TNFSF13B: variants seen among roughly 807,000 people sequenced by gnomAD.
The protein encoded by TNFSF13B is tumor necrosis factor ligand superfamily member 13B.
TNFSF13B carries 8 observed loss-of-function variants against 29.1 expected under a neutral mutation model. That is an observed-to-expected ratio of 0.27 (90% confidence interval 0.16 to 0.50). The LOEUF is 0.50. Ranked by LOEUF, TNFSF13B falls within the 20% of genes least tolerant of loss-of-function variation. The pLI, the probability that TNFSF13B is intolerant of heterozygous loss-of-function variation, is 0.98. For missense variants in TNFSF13B, 248 were observed against 334.9 expected (o/e 0.74, Z 2.03); for synonymous variants, 125 against 130.8 (o/e 0.96, Z 0.30).
chr13:108,279,072 C>CTTTGTTATGT (rs879668458), intron 2 of TNFSF13B, among the ~76,000 whole-genome samples: 4,461 of 152,238 alleles, frequency 0.029, 165 homozygotes, highest in East Asian at 0.1. Context: ...TATGGAACCC[C>CTTTGTTATGT]TTTTCCCTCA....
intron 2 of TNFSF13B, among the ~76,000 whole-genome samples, chr13:108,285,211 C>CG (rs1881089690): frequency 1.5e-4 from 1 of 6,800 alleles, no homozygotes; most frequent in South Asian, 6.0e-3. Flanking sequence ...CTTTAAATAC[C>CG]AAGAATTTCT....
intron 2 of TNFSF13B, among the ~76,000 whole-genome samples, chr13:108,279,189 A>T (rs1880860752): frequency 6.6e-6 from 1 of 152,168 alleles, no homozygotes; most frequent in African/African-American, 2.4e-5. Context: ...TGTTTCATAT[A>T]TTATTCCACG....
intron 5 of TNFSF13B, among the ~76,000 whole-genome samples, chr13:108,304,328 G>A (rs1057411704): frequency 1.3e-5 from 2 of 152,138 alleles, no homozygotes; most frequent in East Asian, 3.8e-4. Flanking sequence ...TTGTACAATG[G>A]CTTCTTTCTA....
intron 3 of TNFSF13B, 99 bp from the exon 4 acceptor site, chr13:108,303,154 G>A (rs1881677618): frequency 3.9e-6 from 3 of 772,316 alleles, no homozygotes; most frequent in Admixed American, 3.0e-5. Flanking sequence ...TTTTAGGATG[G>A]AATTATCTTC....
intron 3 of TNFSF13B, 149 bp from the exon 4 acceptor site, chr13:108,303,104 T>C (rs1357672917): frequency 3.0e-6 from 2 of 658,422 alleles, no homozygotes; most frequent in East Asian, 2.8e-5. Flanking sequence ...ATGTGACTTG[T>C]ATTCCTTTTT....
At position 108,303,243 on chromosome 13, in the gene TNFSF13B, T is replaced by G; in HGVS notation, c.482-10T>G. Reference sequence around the variant, plus strand: ...GTTTCTTTCCTTATAAATGATTCTCTTCATTGCAGGATCTTACACATTTGT... The same window carrying G: ...GTTTCTTTCCTTATAAATGATTCTCGTCATTGCAGGATCTTACACATTTGT... On this transcript the variant is annotated splice_polypyrimidine_tract_variant and intron_variant, in intron 3 of 5. Coordinates refer to ENST00000375887, the MANE Select transcript of TNFSF13B (RefSeq NM_006573.5). 6.3e-7 allele frequency: 1 copy of G among 1,584,898 alleles called. No homozygotes were observed. Among genetic ancestry groups the G allele is most frequent in the Non-Finnish European group, 8.6e-7 (1 of 1,161,304 alleles).
chr13:108,292,070 C>G (rs530897449), intron 3 of TNFSF13B, among the ~76,000 whole-genome samples: 1 of 152,170 alleles, frequency 6.6e-6, no homozygotes, highest in Non-Finnish European at 1.5e-5. Flanking sequence ...CTCTCTCTAG[C>G]TCCAAAATAT....
chr13:108,299,294 T>C (rs1348632707), intron 3 of TNFSF13B, among the ~76,000 whole-genome samples: 1 of 145,446 alleles, frequency 6.9e-6, no homozygotes, highest in African/African-American at 2.6e-5. Flanking sequence ...ATTCTTTTGG[T>C]CCGCTGAGTA....
chr13:108,274,875 A>G (rs939004119), intron 2 of TNFSF13B, among the ~76,000 whole-genome samples: 20 of 152,156 alleles, frequency 1.3e-4, no homozygotes, highest in Non-Finnish European at 2.8e-4. Flanking sequence ...AGAAGAAGGG[A>G]GGGGAATTAC....
chr13:108,296,260 T>C (rs911954708), intron 3 of TNFSF13B, among the ~76,000 whole-genome samples: 1 of 145,904 alleles, frequency 6.9e-6, no homozygotes, highest in Non-Finnish European at 1.5e-5. Flanking sequence ...TCTGCTTATA[T>C]CTTGAGGTTC....
chr13:108,290,840 T>C (rs967988319), intron 3 of TNFSF13B, among the ~76,000 whole-genome samples: 1 of 152,052 alleles, frequency 6.6e-6, no homozygotes. Context: ...TTAAACGTAT[T>C]AAGGAAAGAT....
chr13:108,273,949 C>T (rs1880690003), intron 2 of TNFSF13B, among the ~76,000 whole-genome samples: 2 of 152,130 alleles, frequency 1.3e-5, no homozygotes, highest in African/African-American at 4.8e-5. Context: ...TTTCCCTCCT[C>T]CCCCTTAGCT....
chr13:108,306,302 A>T (rs1215458511), intron 5 of TNFSF13B, among the ~76,000 whole-genome samples: 1 of 152,120 alleles, frequency 6.6e-6, no homozygotes, highest in Non-Finnish European at 1.5e-5. Flanking sequence ...GGGACTCTCA[A>T]GAAAAACTAT....
intron 2 of TNFSF13B, among the ~76,000 whole-genome samples, chr13:108,279,309 C>T (rs1184889044): frequency 1.3e-5 from 2 of 151,890 alleles, no homozygotes; most frequent in Non-Finnish European, 2.9e-5. Context: ...GAAACAATTG[C>T]GTGTATAGTA....
intron 3 of TNFSF13B, among the ~76,000 whole-genome samples, chr13:108,287,905 A>G (rs1456752071): frequency 2.0e-5 from 3 of 152,216 alleles, no homozygotes; most frequent in African/African-American, 7.2e-5. Flanking sequence ...ATTTCCCAAT[A>G]TGTGTCACCT....
intron 2 of TNFSF13B, among the ~76,000 whole-genome samples, chr13:108,276,269 C>T (rs1000339265): frequency 1.3e-5 from 2 of 152,208 alleles, no homozygotes; most frequent in African/African-American, 4.8e-5. Context: ...GCTGCTTAGG[C>T]GATCTTTGAC....
At chr13:108,284,958 T>C (rs1472111396) in intron 2 of TNFSF13B, among the ~76,000 whole-genome samples, 1 of 152,218 alleles carries the variant, frequency 6.6e-6, no homozygotes, top group Admixed American at 6.5e-5. Context: ...TTCACTACCA[T>C]TCTTCCTGTT....
At chr13:108,303,658 A>G in intron 5 of TNFSF13B, 54 bp downstream of exon 5, 2 of 1,550,382 alleles carry the variant, frequency 1.3e-6, no homozygotes, top group Non-Finnish European at 1.7e-6. Context: ...ACTTTGACGA[A>G]AAATCTGAGC....
chr13:108,296,639 T>A (rs1023591553), intron 3 of TNFSF13B, among the ~76,000 whole-genome samples: 1 of 146,108 alleles, frequency 6.8e-6, no homozygotes, highest in African/African-American at 2.6e-5. Context: ...AAGGAAAGAA[T>A]TACTTATGTT....
Sources: allele counts gnomAD v4.1 joint callset (sites outside exome capture counted in the v4.1 genomes callset), GRCh38; gene constraint gnomAD v4.1.1; transcripts MANE v1.5; gene names NCBI Gene and HGNC (gene_info 2026-07-23, HGNC 2026-07-21).